Variants in HERC2 observed in about 807,000 individuals in gnomAD.
HERC2 encodes the protein E3 ubiquitin-protein ligase HERC2.
A neutral mutation model predicts 537.7 loss-of-function variants in HERC2; 102 were observed. That is an observed-to-expected ratio of 0.19 (90% CI 0.16 to 0.22). HERC2 has a LOEUF of 0.22. Ranked by LOEUF, HERC2 falls within the 10% of genes least tolerant of loss-of-function variation. The probability of loss-of-function intolerance (pLI) is 1.00; values close to 1 mark genes in which losing one functional copy is unlikely to be tolerated. For synonymous variants in HERC2, 2,224 were observed against 2,466.2 expected (o/e 0.90, Z 2.91); for missense variants, 4,236 against 6,198.2 (o/e 0.68, Z 10.63).
intron 7 of HERC2, among the ~76,000 whole-genome samples, chr15:28,273,635 T>C (rs1456521711): frequency 6.6e-6 from 1 of 152,146 alleles, no homozygotes; most frequent in East Asian, 1.9e-4. Context: ...GCTCAGGAAG[T>C]GGACTCAGAG....
intron 35 of HERC2, among the ~76,000 whole-genome samples, chr15:28,225,585 C>A (rs1901048362): frequency 6.6e-6 from 1 of 150,968 alleles, no homozygotes; most frequent in Non-Finnish European, 1.5e-5. Context: ...GTAGTCCCAG[C>A]TACTCGGGAG....
intron 2 of HERC2, chr15:28,320,329 G>C (rs1458174356): frequency 6.6e-6 from 1 of 152,208 alleles, no homozygotes; most frequent in African/African-American, 2.4e-5. Context: ...GGTCAGGCTG[G>C]TCTCCAACTC....
intron 50 of HERC2, among the ~76,000 whole-genome samples, chr15:28,197,769 C>T (rs1367576736): frequency 6.6e-6 from 1 of 152,120 alleles, no homozygotes; most frequent in Non-Finnish European, 1.5e-5. Flanking sequence ...CAGTCAGGAG[C>T]TGGCCTGTTA....
At position 28,113,209 on chromosome 15, in the gene HERC2, T is replaced by C. The variant is rs199598391; in HGVS notation, c.14094A>G (p.Ala4698=). 8 of 1,613,988 alleles carry C rather than the reference T, an allele frequency of 5.0e-6. No homozygotes were observed. The highest frequency in any genetic ancestry group is 1.3e-5 in the African/African-American group (1 of 74,902). Residue 4698 remains alanine (A), a synonymous_variant, in exon 92 of 93, where the codon GCA becomes GCG. Transcript: ENST00000261609. This position sits in a 1 kb window ranked among gnomAD's most constrained non-coding sequence, Gnocchi z 7.0. ...VATYKGIEPS[A]SLIQWFWEVM... ...CCTCCCAGAACCACTGGATCAGCGA[T>C]GCGGAAGGCTCGATGCCTTTATAGG...
chr15:28,304,764 G>T (rs1160685549), intron 2 of HERC2, among the ~76,000 whole-genome samples: 2 of 136,438 alleles, frequency 1.5e-5, no homozygotes, highest in Non-Finnish European at 3.1e-5. Flanking sequence ...CATTGCGCAG[G>T]TTAATTACAT....
chr15:28,239,568 C>T (rs1403457412), intron 23 of HERC2, among the ~76,000 whole-genome samples: 1 of 146,018 alleles, frequency 6.8e-6, no homozygotes, highest in Non-Finnish European at 1.5e-5. Context: ...CATGAATTCC[C>T]TGGTCTAGCT....
Position 28,177,206 on chromosome 15 carries a change from T to G in HERC2, c.9255-79A>C. ...GAAGGAAAAAAGACATCTATACTGA[T>G]CCACATGTAGTCAACACAGGATCCA... On this transcript the variant is annotated intron_variant, in intron 60 of 92. Coordinates refer to ENST00000261609, the MANE Select transcript of HERC2 (RefSeq NM_004667.6). This position sits in a 1 kb window ranked among gnomAD's most constrained non-coding sequence, Gnocchi z 5.0. 2.8e-6 allele frequency: 4 copies of G among 1,411,152 alleles called. No individual in the cohort carries two copies. Among genetic ancestry groups the G allele is most frequent in the Non-Finnish European group, 3.9e-6 (4 of 1,027,642 alleles). 87.4% of individuals were successfully genotyped at this position (1,411,152 alleles called of 1,614,324 possible).
At chr15:28,269,475 C>G in intron 10 of HERC2, 39 bp from the exon 11 acceptor site, 1 of 1,519,546 alleles carries the variant, frequency 6.6e-7, no homozygotes, top group Non-Finnish European at 9.1e-7. Context: ...TTAACAACAA[C>G]AACAATAAAA....
intron 64 of HERC2, 109 bp downstream of exon 64, chr15:28,175,403 A>G (rs558489526): frequency 1.5e-4 from 158 of 1,074,662 alleles, no homozygotes; most frequent in Non-Finnish European, 1.9e-4. Context: ...AGTAAGACTC[A>G]GCTGATTTCA....
chr15:28,227,293 C>A lies in HERC2; in HGVS notation c.5464+925G>T, dbSNP rs544320255. ...CCGTCTCAAAAAAAAGTAAAATAAA[C>A]AATAAAGAGAAAGGGACTTGAATAG... On this transcript the variant is annotated intron_variant, in intron 35 of 92. Coordinates refer to ENST00000261609, the MANE Select transcript of HERC2 (RefSeq NM_004667.6). Among the ~76,000 whole-genome samples, 26 of 151,694 alleles carry A rather than the reference C, an allele frequency of 1.7e-4. No homozygotes were observed. The East Asian group carries it at 4.1e-3, about 24-fold the overall frequency.
At chr15:28,246,350 T>C (rs529375922) in intron 22 of HERC2, among the ~76,000 whole-genome samples, 25 of 152,186 alleles carry the variant, frequency 1.6e-4, no homozygotes, top group African/African-American at 6.0e-4. Context: ...ATGTTTATCA[T>C]CAGGGAAAAA....
chr15:28,251,460 C>T (rs1432631275), intron 20 of HERC2, among the ~76,000 whole-genome samples: 1 of 144,384 alleles, frequency 6.9e-6, no homozygotes, highest in Non-Finnish European at 1.5e-5. Context: ...AAAAATTGTC[C>T]TTAGTCACAT....
chr15:28,280,068 CT>C lies in HERC2; in HGVS notation c.541del (p.Ser181ValfsTer85), dbSNP rs1449081007. 3.1e-6 allele frequency: 5 copies of C among 1,607,632 alleles called. No individual in the cohort carries two copies. Among genetic ancestry groups the C allele is most frequent in the Non-Finnish European group, 3.4e-6 (4 of 1,176,268 alleles). On this transcript the variant is annotated frameshift_variant and splice_region_variant, in exon 5 of 93. Transcript: ENST00000261609. LOFTEE classifies it high-confidence loss of function. ...GATTCTTTCTTCGCTTTATTGTTAC[CT>C]TTTTTTGTCCACAGGAGGCAGAGAA... ...GISLPPVDKK[S>X]SRPAGKGVEG...
chr15:28,292,802 CA>C, intron 4 of HERC2, 85 bp downstream of exon 4: 10 of 1,341,748 alleles, frequency 7.5e-6, no homozygotes, highest in Non-Finnish European at 9.3e-6. Flanking sequence ...AAATTGTTAC[CA>C]AAAAAATACT....
intron 36 of HERC2, 42 bp from the exon 37 acceptor site, chr15:28,220,686 C>T (rs906315537): frequency 4.5e-6 from 7 of 1,540,576 alleles, no homozygotes; most frequent in Non-Finnish European, 6.2e-6. Context: ...GGGTGCGTAA[C>T]CTGCCCTGGT....
intron 16 of HERC2, among the ~76,000 whole-genome samples, chr15:28,257,778 G>A (rs1482108569): frequency 1.3e-5 from 2 of 149,860 alleles, no homozygotes; most frequent in Admixed American, 1.3e-4. Flanking sequence ...GTCTCACTCT[G>A]TCACCCAGAC....
Position 28,215,753 on chromosome 15 carries a change from C to T in HERC2, c.6078G>A (p.Thr2026=), listed in dbSNP as rs781208499. The T allele has an allele frequency of 2.4e-5, 38 of 1,611,960 alleles. No individual in the cohort carries two copies. The South Asian group carries it at 3.3e-4, about 14-fold the overall frequency. ...VYREQHRSWC[T]LGFVRSIALT... The stretch of plus-strand genomic sequence containing the variant: ...GAGCGATGCTCCGCACAAACCCCAG[C>T]GTGCACCAGCTCCGGTGTTGCTCCC... Residue 2026 remains threonine, a synonymous_variant, in exon 39 of 93, where the codon ACG becomes ACA. Coordinates refer to ENST00000261609, the MANE Select transcript of HERC2 (RefSeq NM_004667.6).
intron 19 of HERC2, among the ~76,000 whole-genome samples, chr15:28,254,798 G>A (rs1242294414): frequency 6.6e-6 from 1 of 152,192 alleles, no homozygotes; most frequent in African/African-American, 2.4e-5. Flanking sequence ...CCTGCTACTG[G>A]CTCTCACAAA....
At position 28,125,183 on chromosome 15, in the gene HERC2, A is replaced by G. The variant is rs1566918607; in HGVS notation, c.12813T>C (p.Tyr4271=). The G allele has an allele frequency of 1.2e-6, 2 of 1,609,626 alleles. No homozygotes were observed. Among genetic ancestry groups the G allele is most frequent in the African/African-American group, 2.7e-5 (2 of 74,990 alleles). The change falls in exon 84 of 93, where the codon TAT becomes TAC. Residue 4271 remains tyrosine, a synonymous_variant. Coordinates refer to ENST00000261609, the MANE Select transcript of HERC2 (RefSeq NM_004667.6). ...CVCCTEDGEV[Y]TWGDNDEGQL... ...GTCCCTCATCATTGTCGCCCCATGT[A>G]TAAACCTCACCTGAATGAAGTGAAT...
Sources: gnomAD v4.1 joint callset for allele counts (sites outside exome capture counted in the v4.1 genomes callset) on GRCh38, gnomAD v4.1.1 for gene constraint, Gnocchi (gnomAD v3.1) non-coding constraint, MANE v1.5 for transcripts, NCBI Gene and HGNC (gene_info 2026-07-23, HGNC 2026-07-21) for gene names.